The following SOX6 variants were observed in gnomAD, a reference collection of about 807,000 sequenced individuals.
The protein encoded by SOX6 is SRY-box transcription factor 6.
A neutral mutation model predicts 97.8 loss-of-function variants in SOX6; 11 were observed. The ratio of observed to expected loss-of-function variants is 0.11; its 90% CI spans 0.07 to 0.19. The LOEUF (loss-of-function observed/expected upper bound fraction) is 0.19, where lower values mean the gene tolerates loss of function less well. Among genes scored for constraint, SOX6 ranks in the 10% least tolerant of loss-of-function variants. The pLI is 1.00. For missense variants in SOX6, 810 were observed against 1,039.5 expected (o/e 0.78, Z 3.04); for synonymous variants, 360 against 371.4 (o/e 0.97, Z 0.35).
At chr11:16,634,726 C>G (rs2133998431) in intron 3 of SOX6, among the ~76,000 whole-genome samples, 1 of 152,002 alleles carries the variant, frequency 6.6e-6, no homozygotes, top group South Asian at 2.1e-4. Context: ...TTAAATTTTT[C>G]TATTTTATCT....
At chr11:16,137,553 G>T (rs1336357672) in intron 6 of SOX6, among the ~76,000 whole-genome samples, 1 of 152,166 alleles carries the variant, frequency 6.6e-6, no homozygotes, top group South Asian at 2.1e-4. Context: ...GGTTCTTCTA[G>T]TATCTTACTT....
chr11:16,395,709 G>T lies in SOX6; in HGVS notation c.-4-54457C>A, dbSNP rs543942599. ...TGGATCCCAAAGAATGGTAGGTGGGGTTTTCCCTACCATACAAGGAATATG... is the reference window on the plus strand; with the variant it reads ...TGGATCCCAAAGAATGGTAGGTGGGTTTTTCCCTACCATACAAGGAATATG... On this transcript the variant is annotated intron_variant, in intron 1 of 15. Coordinates refer to the SOX6 transcript ENST00000396356. 7.9e-5 allele frequency among the ~76,000 whole-genome samples: 12 copies of T among 151,724 alleles called. No individual in the cohort carries two copies. The East Asian group carries it at 1.6e-3, about 20-fold the overall frequency.
chr11:16,093,889 G>C (rs1455822224), intron 9 of SOX6, among the ~76,000 whole-genome samples: 1 of 151,876 alleles, frequency 6.6e-6, no homozygotes, highest in Non-Finnish European at 1.5e-5. Context: ...TGTCTACTAT[G>C]CTATTCACAG....
chr11:16,567,765 CG>C (rs1248397533), intron 4 of SOX6, among the ~76,000 whole-genome samples: 1 of 138,084 alleles, frequency 7.2e-6, no homozygotes, highest in Non-Finnish European at 1.5e-5. Context: ...TTAGTAGAGA[CG>C]GGGTTTCAGC....
chr11:16,071,688 A>C (rs1012895558), intron 9 of SOX6, among the ~76,000 whole-genome samples: 12 of 152,302 alleles, frequency 7.9e-5, no homozygotes, highest in South Asian at 4.1e-4. Context: ...CCCCAGGAAT[A>C]ACTTGAATAG....
intron 4 of SOX6, among the ~76,000 whole-genome samples, chr11:16,525,428 T>C (rs1254343648): frequency 7.2e-5 from 11 of 151,990 alleles, no homozygotes; most frequent in Non-Finnish European, 1.6e-4. Flanking sequence ...TGGCTAGCCA[T>C]ATGTAGAAAG....
chr11:16,266,084 C>T (rs1854076199), intron 3 of SOX6, among the ~76,000 whole-genome samples: 1 of 151,454 alleles, frequency 6.6e-6, no homozygotes, highest in Admixed American at 6.6e-5. Flanking sequence ...TAAATTCAAA[C>T]CAAGCACAAG....
rs181681221 is a variant in SOX6, at chr11:16,516,361, G to T, written n.610-39973C>A. On this transcript the variant is annotated intron_variant and non_coding_transcript_variant, in intron 4 of 5. Coordinates refer to the SOX6 transcript ENST00000524520. ...TTGTCTTTCTGTTTGTCTGTTGTTG[G>T]TGTATAAGAATGCTTGTGATTTTTG... Among the ~76,000 whole-genome samples, 1,055 of 152,234 alleles carry T rather than the reference G, an allele frequency of 6.9e-3. 10 individuals are homozygous for T. The highest frequency in any genetic ancestry group is 0.024 in the African/African-American group (1,007 of 41,516).
intron 12 of SOX6, among the ~76,000 whole-genome samples, chr11:16,034,259 C>T (rs571293863): frequency 7.9e-5 from 12 of 152,298 alleles, no homozygotes; most frequent in African/African-American, 9.6e-5. Context: ...GATATGAGAA[C>T]TAAGGCCATT....
intron 2 of SOX6, among the ~76,000 whole-genome samples, chr11:16,340,600 A>C (rs1218987014): frequency 2.0e-5 from 3 of 152,112 alleles, no homozygotes; most frequent in Non-Finnish European, 4.4e-5. Flanking sequence ...TTTCTCATTG[A>C]AGGTGTATTC....
At chr11:16,239,804 CCA>C (rs945437150) in intron 3 of SOX6, among the ~76,000 whole-genome samples, 8 of 151,904 alleles carry the variant, frequency 5.3e-5, no homozygotes, top group African/African-American at 1.9e-4. Context: ...CCCTTTTGCT[CCA>C]CACTCCCCTC....
At chr11:16,109,939 A>T (rs1849188169) in intron 7 of SOX6, among the ~76,000 whole-genome samples, 1 of 152,170 alleles carries the variant, frequency 6.6e-6, no homozygotes, top group South Asian at 2.1e-4. Flanking sequence ...CAGGACACTA[A>T]CTTTAAGCTG....
chr11:16,599,615 GA>G (rs1403465707), intron 4 of SOX6, among the ~76,000 whole-genome samples: 1 of 152,048 alleles, frequency 6.6e-6, no homozygotes, highest in Non-Finnish European at 1.5e-5. Context: ...TAAATGAAAA[GA>G]AACATATCAG....
chr11:16,470,534 G>C (rs1860123626), intron 1 of SOX6, among the ~76,000 whole-genome samples: 1 of 152,130 alleles, frequency 6.6e-6, no homozygotes, highest in Non-Finnish European at 1.5e-5. Context: ...AAATATCAGG[G>C]AGGACCAAAT....
At chr11:16,270,411 T>C (rs1565060595) in intron 3 of SOX6, among the ~76,000 whole-genome samples, 2 of 151,434 alleles carry the variant, frequency 1.3e-5, no homozygotes, top group South Asian at 4.1e-4. Context: ...GAGGAATAAA[T>C]TGGTGTAGTC....
In SOX6 at chr11:16,132,505, A is replaced by AAAGAAAGAAAGAAAGCAAGC. The variant is rs1451899878; in HGVS notation, c.778-20583_778-20582insGCTTGCTTTCTTTCTTTCTT. ...GAAAGAAAGAAAGAAAGAAAGAAAG[A>AAAGAAAGAAAGAAAGCAAGC]AAGCTTATCTTTGTATCTAGGAAGA... On this transcript the variant is annotated intron_variant, in intron 6 of 15. Coordinates refer to ENST00000683767, the MANE Select transcript of SOX6 (RefSeq NM_001367873.1). 7.5e-4 allele frequency among the ~76,000 whole-genome samples: 65 copies of AAAGAAAGAAAGAAAGCAAGC among 86,188 alleles called. 3 individuals carry two copies. Among genetic ancestry groups the AAAGAAAGAAAGAAAGCAAGC allele is most frequent in the South Asian group, 1.1e-3 (3 of 2,810 alleles). 56.5% of individuals were successfully genotyped at this position (86,188 alleles called of 152,430 possible).
At chr11:16,449,696 C>G (rs1285477889) in intron 1 of SOX6, among the ~76,000 whole-genome samples, 1 of 152,172 alleles carries the variant, frequency 6.6e-6, no homozygotes, top group African/African-American at 2.4e-5. Context: ...TCACATCCTT[C>G]CTCTTTCAGA....
chr11:16,494,455 T>C (rs1860561844), intron 4 of SOX6, among the ~76,000 whole-genome samples: 1 of 152,202 alleles, frequency 6.6e-6, no homozygotes, highest in Non-Finnish European at 1.5e-5. Flanking sequence ...TCAATATGTA[T>C]TGTGAAACTT....
intron 3 of SOX6, among the ~76,000 whole-genome samples, chr11:16,262,307 T>C (rs1388105150): frequency 1.3e-5 from 2 of 152,090 alleles, no homozygotes; most frequent in African/African-American, 2.4e-5. Context: ...TGTACATTTA[T>C]TGGTCTAAAT....
Sources: allele counts gnomAD v4.1 joint callset (sites outside exome capture counted in the v4.1 genomes callset), GRCh38; gene constraint gnomAD v4.1.1; transcripts MANE v1.5; gene names NCBI Gene and HGNC (gene_info 2026-07-23, HGNC 2026-07-21).